Variants in WWOX observed in about 807,000 individuals in gnomAD.
WWOX encodes WW domain-containing oxidoreductase.
WWOX carries 69 observed loss-of-function variants against 46.2 expected under a neutral mutation model. That is an observed-to-expected ratio of 1.49 (90% CI 1.23 to 1.82). The LOEUF is 1.82. Among genes scored for constraint, WWOX ranks in the 40% most tolerant of loss-of-function variants. The pLI, the probability that WWOX is intolerant of heterozygous loss-of-function variation, is 0.00. For synonymous variants in WWOX, 359 were observed against 202.6 expected, an observed-to-expected ratio of 1.77 and a Z score of -6.56; for missense variants, 919 against 542.6, an observed-to-expected ratio of 1.69 and a Z score of -6.89.
At chr16:79,075,391 T>A (rs2048635768) in intron 8 of WWOX, among the ~76,000 whole-genome samples, 1 of 152,192 alleles carries the variant, frequency 6.6e-6, no homozygotes, top group Non-Finnish European at 1.5e-5. Flanking sequence ...CTTTAGGACT[T>A]TTCAGTACTT....
intron 8 of WWOX, among the ~76,000 whole-genome samples, chr16:78,475,812 C>T (rs59166703): frequency 0.01 from 1,531 of 152,250 alleles, 29 homozygotes; most frequent in African/African-American, 0.035. Context: ...CCAGGCTGGT[C>T]TTGAACTCCT....
intron 8 of WWOX, among the ~76,000 whole-genome samples, chr16:78,663,429 A>C (rs980811117): frequency 3.3e-5 from 5 of 152,192 alleles, no homozygotes; most frequent in African/African-American, 1.2e-4. Flanking sequence ...TTCACAGTTC[A>C]TGTCATTCCC....
chr16:78,700,979 G>C (rs1326014349), intron 8 of WWOX, among the ~76,000 whole-genome samples: 3 of 152,152 alleles, frequency 2.0e-5, no homozygotes, highest in Non-Finnish European at 4.4e-5. Flanking sequence ...GGGGAAGGAA[G>C]TACAATGTCC....
chr16:79,100,852 G>T (rs897140259), intron 8 of WWOX, among the ~76,000 whole-genome samples: 2 of 152,006 alleles, frequency 1.3e-5, no homozygotes, highest in African/African-American at 4.8e-5. Context: ...AGAGCAGAGG[G>T]CAGTGGAATG....
At chr16:78,548,832 C>G (rs911428544) in intron 8 of WWOX, among the ~76,000 whole-genome samples, 6 of 152,084 alleles carry the variant, frequency 3.9e-5, no homozygotes, top group African/African-American at 1.4e-4. Context: ...GGCTGCAGCC[C>G]GTTAACTGGT....
At chr16:78,386,509 C>T (rs559174597) in intron 5 of WWOX, among the ~76,000 whole-genome samples, 4 of 152,206 alleles carry the variant, frequency 2.6e-5, no homozygotes, top group South Asian at 4.1e-4. Flanking sequence ...ATGATCGAGG[C>T]GTTGTCGTGC....
intron 8 of WWOX, among the ~76,000 whole-genome samples, chr16:78,795,755 A>T (rs1162445643): frequency 6.6e-6 from 1 of 152,154 alleles, no homozygotes; most frequent in Non-Finnish European, 1.5e-5. Flanking sequence ...TTTCATCTGT[A>T]AATGGGGACA....
chr16:78,639,587 C>CAG (rs10674264), intron 8 of WWOX, among the ~76,000 whole-genome samples: 136,621 of 151,084 alleles, frequency 0.9, 61,939 homozygotes, highest in Middle Eastern at 0.94. Flanking sequence ...TTTTTCCAGA[C>CAG]AGTTTCACTC....
chr16:78,353,841 C>T (rs562306006), intron 5 of WWOX, among the ~76,000 whole-genome samples: 6 of 152,184 alleles, frequency 3.9e-5, no homozygotes, highest in Admixed American at 6.5e-5. Flanking sequence ...GGGTGGCGTT[C>T]GCTTTACCCT....
At chr16:78,972,423 T>A (rs140750174) in intron 8 of WWOX, among the ~76,000 whole-genome samples, 1 of 149,184 alleles carries the variant, frequency 6.7e-6, no homozygotes, top group African/African-American at 2.5e-5. Flanking sequence ...TTTTACAAAT[T>A]AAAAGCAGTA....
chr16:78,774,720 C>T (rs1476550732), intron 8 of WWOX, among the ~76,000 whole-genome samples: 2 of 151,928 alleles, frequency 1.3e-5, no homozygotes, highest in African/African-American at 4.8e-5. Context: ...TGTCCCCACC[C>T]AACACACACA....
At chr16:78,362,940 A>G (rs912297902) in intron 5 of WWOX, among the ~76,000 whole-genome samples, 2 of 152,162 alleles carry the variant, frequency 1.3e-5, no homozygotes, top group East Asian at 1.9e-4. Flanking sequence ...GTTGCATGGG[A>G]CAGTGTCCAG....
Position 79,151,962 on chromosome 16 carries a change from A to T in WWOX, c.1057-59646A>T, listed in dbSNP as rs536956032. On this transcript the variant is annotated intron_variant, in intron 8 of 8. Transcript: ENST00000566780. Reference sequence around the variant, plus strand: ...GAGGATATCTGGGCTCTGAGTCTTTAAAAGGCAACAGAAAGGTCTCTGTTA... The same window carrying T: ...GAGGATATCTGGGCTCTGAGTCTTTTAAAGGCAACAGAAAGGTCTCTGTTA... Among the ~76,000 whole-genome samples the T allele has an allele frequency of 4.7e-4, 72 of 152,318 alleles. 1 individual carries two copies. Among genetic ancestry groups the T allele is most frequent in the Middle Eastern group, 3.4e-3 (1 of 294 alleles).
At chr16:78,852,524 C>G (rs576269330) in intron 8 of WWOX, among the ~76,000 whole-genome samples, 6 of 152,244 alleles carry the variant, frequency 3.9e-5, no homozygotes, top group East Asian at 3.9e-4. Context: ...TCCTCCAACC[C>G]CCTTTAAACT....
At chr16:78,380,004 T>G (rs1004183932) in intron 5 of WWOX, among the ~76,000 whole-genome samples, 2 of 152,204 alleles carry the variant, frequency 1.3e-5, no homozygotes, top group African/African-American at 4.8e-5. Flanking sequence ...AATGAGTACA[T>G]GAATTTAGTC....
chr16:78,450,344 A>G (rs571038564), intron 8 of WWOX, among the ~76,000 whole-genome samples: 1 of 152,330 alleles, frequency 6.6e-6, no homozygotes, highest in African/African-American at 2.4e-5. Context: ...GTAATCCACG[A>G]GAATGTATGG....
chr16:78,395,202 G>T (rs772264170), intron 6 of WWOX, among the ~76,000 whole-genome samples: 1 of 152,204 alleles, frequency 6.6e-6, no homozygotes, highest in Non-Finnish European at 1.5e-5. Context: ...GAGAGGAAGT[G>T]TGGGTCTCAT....
intron 8 of WWOX, among the ~76,000 whole-genome samples, chr16:78,524,796 A>G (rs1256944529): frequency 3.5e-5 from 5 of 143,284 alleles, no homozygotes; most frequent in Non-Finnish European, 6.0e-5. Context: ...AGGTCAAAGT[A>G]TGAACTATTT....
intron 6 of WWOX, among the ~76,000 whole-genome samples, chr16:78,415,155 G>A (rs2082769553): frequency 6.6e-6 from 1 of 150,734 alleles, no homozygotes; most frequent in African/African-American, 2.4e-5. Context: ...GATTACTCAT[G>A]AGTTTTCACG....
Sources: allele counts gnomAD v4.1 joint callset (sites outside exome capture counted in the v4.1 genomes callset), GRCh38; gene constraint gnomAD v4.1.1; transcripts MANE v1.5; gene names NCBI Gene and HGNC (gene_info 2026-07-23, HGNC 2026-07-21).